Variants in CELF6 observed in about 807,000 individuals in gnomAD.
The protein encoded by CELF6 is CUGBP Elav-like family member 6, also known as Bruno -like 6, RNA binding protein.
In CELF6, 32 loss-of-function variants were observed where a neutral mutation model predicts 53.1. That is an observed-to-expected ratio of 0.60 (90% CI 0.46 to 0.81). The LOEUF (loss-of-function observed/expected upper bound fraction) is 0.81, where lower values mean the gene tolerates loss of function less well. Among genes scored for constraint, CELF6 ranks in the 30% least tolerant of loss-of-function variants. The pLI is 0.00. For missense variants in CELF6, 539 were observed against 669.5 expected, an observed-to-expected ratio of 0.81 and a Z score of 2.15; for synonymous variants, 291 against 288.8, an observed-to-expected ratio of 1.01 and a Z score of -0.08.
chr15:72,290,070 T>C, intron 4 of CELF6, 52 bp from the exon 5 acceptor site: 1 of 1,613,344 alleles, frequency 6.2e-7, no homozygotes. Context: ...GCCAAAGAGT[T>C]ATGTGGCCCA....
At chr15:72,310,371 G>T (rs2088279786) in intron 2 of CELF6, among the ~76,000 whole-genome samples, 1 of 151,950 alleles carries the variant, frequency 6.6e-6, no homozygotes, top group Non-Finnish European at 1.5e-5. Context: ...AATCTATATG[G>T]ATATCCTAAA....
chr15:72,294,890 A>C (rs567064859), intron 3 of CELF6, among the ~76,000 whole-genome samples: 30 of 149,510 alleles, frequency 2.0e-4, no homozygotes, highest in African/African-American at 7.4e-4. Context: ...AGGCAGGAGA[A>C]TCTCTTGAAC....
rs2141184238 is a variant in CELF6 at position 72,289,300 on chromosome 15, A to G, written c.881-13T>C. On this transcript the variant is annotated splice_polypyrimidine_tract_variant and intron_variant, in intron 7 of 12. Transcript: ENST00000287202. The surrounding 1 kb of genome is among the most constrained non-coding windows in gnomAD (Gnocchi z 7.6). ...GGGGAGTTGGCTGCTGATGGCGGAA[A>G]AGGTCTGAGAGTCAGGCCGCCACCC... The G allele has an allele frequency of 6.4e-7, 1 of 1,558,864 alleles. No individual in the cohort carries two copies. Among genetic ancestry groups the G allele is most frequent in the Non-Finnish European group, 8.6e-7 (1 of 1,159,090 alleles).
At chr15:72,287,437 A>C in intron 11 of CELF6, 45 bp from the exon 12 acceptor site, 1 of 1,609,598 alleles carries the variant, frequency 6.2e-7, no homozygotes, top group Non-Finnish European at 8.5e-7. Context: ...TCTGCCTAGC[A>C]GGGCCTCCTT....
chr15:72,314,165 GCTGTCACCC>G (rs1366923842), intron 2 of CELF6, among the ~76,000 whole-genome samples: 1 of 152,204 alleles, frequency 6.6e-6, no homozygotes, highest in Non-Finnish European at 1.5e-5. Context: ...GGTTCTAGGA[GCTGTCACCC>G]CATTAACAGC....
In CELF6 at chr15:72,319,941, A is replaced by G. The variant is rs1025531679; in HGVS notation, c.-67T>C. The G allele has an allele frequency of 6.4e-5, 89 of 1,385,008 alleles. No homozygotes were observed. The African/African-American group carries it at 1.2e-3, about 19-fold the overall frequency. 85.8% of individuals were successfully genotyped at this position (1,385,008 alleles called of 1,614,324 possible). The stretch of plus-strand genomic sequence containing the variant: ...GCCTGTCCCGCCGTCCCCTCCCTGG[A>G]CCGGTGGCGAGGGCCAGGGGGAGGG... On this transcript the variant is annotated 5_prime_UTR_variant, in exon 1 of 13. Transcript: ENST00000287202. This position sits in a 1 kb window ranked among gnomAD's most constrained non-coding sequence, Gnocchi z 5.0.
Position 72,319,515 on chromosome 15 carries a change from G to T in CELF6, c.262+98C>A. 2.2e-6 allele frequency: 3 copies of T among 1,360,394 alleles called. No individual in the cohort carries two copies. Among genetic ancestry groups the T allele is most frequent in the Non-Finnish European group, 3.0e-6 (3 of 1,015,270 alleles). The allele number at this position is 1,360,394 out of a possible 1,614,324, so 84.3% of individuals were successfully genotyped here. On this transcript the variant is annotated intron_variant, in intron 1 of 12. Transcript: ENST00000287202. This position sits in a 1 kb window ranked among gnomAD's most constrained non-coding sequence, Gnocchi z 5.0. The stretch of plus-strand genomic sequence containing the variant: ...GTGGGGCTGATATTGGACTGGTGTT[G>T]GACTGGCTCTCGGCAGGGCTAGGGC...
chr15:72,307,304 C>A (rs1194371799), intron 2 of CELF6, among the ~76,000 whole-genome samples: 1 of 152,092 alleles, frequency 6.6e-6, no homozygotes, highest in African/African-American at 2.4e-5. Context: ...CATACATGTT[C>A]CCCCCTGGAC....
rs1170793792 is a variant in CELF6, at chr15:72,315,924, C to T, written c.266G>A (p.Cys89Tyr). 6.2e-7 allele frequency: 1 copy of T among 1,605,580 alleles called. No homozygotes were observed. The highest frequency in any genetic ancestry group is 8.5e-7 in the Non-Finnish European group (1 of 1,176,014). The change falls in exon 2 of 13, where the codon TGT becomes TAT. Residue 89 changes from cysteine (C) to tyrosine (Y), a missense_variant. By Grantham distance (194) the Cys-to-Tyr change is radical. Around this residue, in one of 3 missense-constraint regions of CELF6, gnomAD observed 97 missense variants for 168.8 expected, o/e 0.57. Transcript: ENST00000287202. ...KDRLTGLHKG[C>Y]AFLTYCARDS... Reference sequence around the variant, plus strand: ...CCGGGCGCAGTAGGTGAGGAAGGCACAGCCTGAGGAGGAAGAGGCTGGCTC... The same window carrying T: ...CCGGGCGCAGTAGGTGAGGAAGGCATAGCCTGAGGAGGAAGAGGCTGGCTC...
chr15:72,316,253 C>T (rs1341375017), intron 1 of CELF6, among the ~76,000 whole-genome samples: 18 of 152,220 alleles, frequency 1.2e-4, no homozygotes, highest in Non-Finnish European at 1.0e-4. Flanking sequence ...CCTCCCTAAG[C>T]AGCTTTATCA....
At chr15:72,307,850 C>T (rs1161095809) in intron 2 of CELF6, among the ~76,000 whole-genome samples, 1 of 152,192 alleles carries the variant, frequency 6.6e-6, no homozygotes, top group Non-Finnish European at 1.5e-5. Context: ...CAATGTTTGA[C>T]CTGAGCCTTG....
chr15:72,292,278 G>C (rs2088015816), intron 3 of CELF6: 2 of 1,528,944 alleles, frequency 1.3e-6, no homozygotes, highest in Non-Finnish European at 1.8e-6. Context: ...GAGAAGACAG[G>C]AAAGGTCTTT....
At chr15:72,290,513 T>C (rs958511401) in intron 3 of CELF6, among the ~76,000 whole-genome samples, 1 of 152,162 alleles carries the variant, frequency 6.6e-6, no homozygotes, top group Non-Finnish European at 1.5e-5. Flanking sequence ...GCTGCTCTTG[T>C]GGGGAGTAAT....
At chr15:72,287,508 C>G in intron 11 of CELF6, 116 bp from the exon 12 acceptor site, 1 of 1,122,088 alleles carries the variant, frequency 8.9e-7, no homozygotes, top group East Asian at 2.4e-5. Flanking sequence ...AAACACATAC[C>G]CCTCCACTGT....
rs1339768616 is a variant in CELF6, at chr15:72,301,104, C to T, written c.394+3642G>A. ...GCTCAAGTGATCCTCCTGCCTCAGC[C>T]TCCCGAGTAGCTGGGTAGCTGGGAC... On this transcript the variant is annotated intron_variant, in intron 3 of 12. Coordinates refer to ENST00000287202, the MANE Select transcript of CELF6 (RefSeq NM_052840.5). Among the ~76,000 whole-genome samples, 9 of 152,190 alleles carry T rather than the reference C, an allele frequency of 5.9e-5. No individual in the cohort carries two copies. The South Asian group carries it at 1.9e-3, about 32-fold the overall frequency.
At chr15:72,317,808 T>C (rs975356327) in intron 1 of CELF6, among the ~76,000 whole-genome samples, 2 of 152,134 alleles carry the variant, frequency 1.3e-5, no homozygotes, top group African/African-American at 4.8e-5. Flanking sequence ...ACCGGGCAGG[T>C]TGCCTGTCTG....
intron 2 of CELF6, among the ~76,000 whole-genome samples, chr15:72,305,097 C>G (rs768201583): frequency 5.1e-4 from 78 of 152,060 alleles, no homozygotes; most frequent in Admixed American, 2.0e-3. Context: ...GAGGCCTGTC[C>G]CTTTGGCTTC....
chr15:72,311,531 T>G (rs1036885187), intron 2 of CELF6, among the ~76,000 whole-genome samples: 9 of 150,970 alleles, frequency 6.0e-5, no homozygotes, highest in Non-Finnish European at 8.8e-5. Context: ...GCCTCCCGAG[T>G]AGCTGGGACT....
Position 72,288,807 on chromosome 15 carries a change from T to G in CELF6, c.1093+61A>C. 6.8e-7 allele frequency: 1 copy of G among 1,464,340 alleles called. No individual in the cohort carries two copies. Among genetic ancestry groups the G allele is most frequent in the East Asian group, 2.5e-5 (1 of 40,524 alleles). 90.7% of individuals were successfully genotyped at this position (1,464,340 alleles called of 1,614,324 possible). ...GAACAGAGCCTAAATCCCCCACAAC[T>G]CTCCCTATTTCTTTCTAGGGCCCTT... On this transcript the variant is annotated intron_variant, in intron 9 of 12. Coordinates refer to ENST00000287202, the MANE Select transcript of CELF6 (RefSeq NM_052840.5). The surrounding 1 kb of genome is among the most constrained non-coding windows in gnomAD (Gnocchi z 4.6).
Sources: allele counts gnomAD v4.1 joint callset (sites outside exome capture counted in the v4.1 genomes callset), GRCh38; gene constraint gnomAD v4.1.1; regional missense constraint gnomAD v4.1.1; non-coding constraint Gnocchi (gnomAD v3.1); transcripts MANE v1.5; gene names NCBI Gene and HGNC (gene_info 2026-07-23, HGNC 2026-07-21).